The following MTHFD2L variants were observed in gnomAD, a reference collection of about 807,000 sequenced individuals.
MTHFD2L encodes the protein bifunctional methylenetetrahydrofolate dehydrogenase/cyclohydrolase 2, mitochondrial.
MTHFD2L carries 29 observed loss-of-function variants against 34.9 expected under a neutral mutation model. That is an observed-to-expected ratio of 0.83 (90% CI 0.62 to 1.13). The LOEUF (loss-of-function observed/expected upper bound fraction) is 1.13. MTHFD2L is among the 50% of genes most tolerant of loss of function. MTHFD2L has a pLI of 0.00. For synonymous variants in MTHFD2L, 167 were observed against 155.7 expected, an observed-to-expected ratio of 1.07 and a Z score of -0.54; for missense variants, 481 against 446.5, an observed-to-expected ratio of 1.08 and a Z score of -0.70.
At chr4:74,149,064 T>C (rs1045857070) in intron 1 of MTHFD2L, among the ~76,000 whole-genome samples, 1 of 151,806 alleles carries the variant, frequency 6.6e-6, no homozygotes, top group Non-Finnish European at 1.5e-5. Context: ...TGATCAATCA[T>C]TGCTTAGATA....
In MTHFD2L at chr4:74,192,216, G is replaced by C. The variant is rs562363169; in HGVS notation, c.452-7578G>C. The stretch of plus-strand genomic sequence containing the variant: ...AAGTAGATCATGGTAGGAGGGATAG[G>C]ATGTTGGAGGACAGGTTGTATTTTT... On this transcript the variant is annotated intron_variant, in intron 3 of 7. Transcript: ENST00000325278. 7.2e-5 allele frequency among the ~76,000 whole-genome samples: 11 copies of C among 152,210 alleles called. No homozygotes were observed. In the South Asian group the frequency reaches 2.3e-3, roughly 32 times the overall value.
At chr4:74,123,748 A>G (rs1367423501), upstream of MTHFD2L, among the ~76,000 whole-genome samples, 1 of 152,074 alleles carries the variant, frequency 6.6e-6, no homozygotes, top group Non-Finnish European at 1.5e-5. Flanking sequence ...GTGAGAAAAA[A>G]ATAACACTTT....
At chr4:74,213,624 T>G (rs1480379917) in intron 5 of MTHFD2L, among the ~76,000 whole-genome samples, 1 of 152,232 alleles carries the variant, frequency 6.6e-6, no homozygotes, top group Non-Finnish European at 1.5e-5. Flanking sequence ...CCTTTCTCTC[T>G]GGCTGCCCTT....
chr4:74,237,682 CT>C (rs919760365), intron 6 of MTHFD2L, among the ~76,000 whole-genome samples: 3 of 152,180 alleles, frequency 2.0e-5, no homozygotes, highest in African/African-American at 4.8e-5. Flanking sequence ...GGTAAGGAAG[CT>C]CTTCATAGGG....
chr4:74,206,969 C>T (rs943078182), intron 5 of MTHFD2L, among the ~76,000 whole-genome samples: 15 of 152,218 alleles, frequency 9.9e-5, no homozygotes, highest in African/African-American at 3.4e-4. Flanking sequence ...GGCATGATCA[C>T]GGCTCACTGC....
At chr4:74,270,319 C>A (rs748610958) in intron 6 of MTHFD2L, among the ~76,000 whole-genome samples, 8 of 152,110 alleles carry the variant, frequency 5.3e-5, no homozygotes, top group East Asian at 1.9e-4. Context: ...TTCCCTCCCC[C>A]CTTCCCTCAC....
At chr4:74,130,037 A>G (rs933109327) in intron 1 of MTHFD2L, among the ~76,000 whole-genome samples, 6 of 152,204 alleles carry the variant, frequency 3.9e-5, no homozygotes, top group African/African-American at 1.4e-4. Context: ...CTAAACCAGG[A>G]AGAAGTCGAA....
At chr4:74,115,849 T>C (rs959659339) in intron 2 of MTHFD2L, among the ~76,000 whole-genome samples, 3 of 152,246 alleles carry the variant, frequency 2.0e-5, no homozygotes, top group African/African-American at 7.2e-5. Context: ...ACTCACCGTT[T>C]GTCGTGCTAC....
At chr4:74,285,268 C>A (rs2110290186) in intron 7 of MTHFD2L, among the ~76,000 whole-genome samples, 1 of 151,352 alleles carries the variant, frequency 6.6e-6, no homozygotes, top group Admixed American at 6.6e-5. Flanking sequence ...TGCAGCACAC[C>A]CACATGGCAC....
At chr4:74,121,439 A>G (rs1403825294), upstream of MTHFD2L, among the ~76,000 whole-genome samples, 1 of 151,252 alleles carries the variant, frequency 6.6e-6, no homozygotes, top group African/African-American at 2.4e-5. Context: ...AGCGACAGCA[A>G]CCACAATGAG....
intron 3 of MTHFD2L, among the ~76,000 whole-genome samples, chr4:74,177,506 A>C (rs1013549933): frequency 2.0e-5 from 3 of 152,030 alleles, no homozygotes; most frequent in Non-Finnish European, 4.4e-5. Flanking sequence ...GTATATGAAA[A>C]TGATAAACTT....
At chr4:74,118,251 A>T (rs1487143976) in intron 2 of MTHFD2L, among the ~76,000 whole-genome samples, 1 of 152,206 alleles carries the variant, frequency 6.6e-6, no homozygotes, top group Non-Finnish European at 1.5e-5. Context: ...TGAGCACATT[A>T]ATACAGATTT....
intron 5 of MTHFD2L, among the ~76,000 whole-genome samples, chr4:74,207,789 C>A: frequency 1.2e-5 from 1 of 80,158 alleles, no homozygotes; most frequent in Non-Finnish European, 2.4e-5. Flanking sequence ...TTTTGCCAGC[C>A]TGGAAGTTTT....
At chr4:74,289,751 G>A (rs1257623495) in intron 7 of MTHFD2L, among the ~76,000 whole-genome samples, 2 of 152,104 alleles carry the variant, frequency 1.3e-5, no homozygotes, top group Non-Finnish European at 2.9e-5. Flanking sequence ...AGGAGAGTTG[G>A]AATGATTGGT....
intron 2 of MTHFD2L, among the ~76,000 whole-genome samples, chr4:74,116,423 G>T (rs1273455961): frequency 6.6e-6 from 1 of 151,996 alleles, no homozygotes; most frequent in Non-Finnish European, 1.5e-5. Context: ...GAACTGTAAA[G>T]AAATAAAGTC....
rs534506277 is a variant in MTHFD2L, at chr4:74,158,154, C to G, written c.16C>G (p.Arg6Gly). The change falls in exon 1 of 8, where the codon CGC (arginine) becomes GGC (glycine). Residue 6 changes from arginine to glycine, a missense_variant. By Grantham distance (125) the Arg-to-Gly change is moderately radical. Transcript: ENST00000325278. The part of the protein sequence containing the change: MTVPV[R>G]GFSLLRGRLG... Reference sequence around the variant, plus strand: ...ATCCGCGGCCATGACGGTGCCGGTCCGCGGCTTCTCGCTGCTCCGCGGCCG... The same window carrying G: ...ATCCGCGGCCATGACGGTGCCGGTCGGCGGCTTCTCGCTGCTCCGCGGCCG... 2 of 1,529,706 alleles carry G rather than the reference C, an allele frequency of 1.3e-6. No individual in the cohort carries two copies. Among genetic ancestry groups the G allele is most frequent in the East Asian group, 4.9e-5 (2 of 40,706 alleles). The allele number at this position is 1,529,706 out of a possible 1,614,324, so 94.8% of individuals were successfully genotyped here.
intron 6 of MTHFD2L, chr4:74,266,862 G>C: frequency 3.0e-6 from 3 of 985,294 alleles, no homozygotes; most frequent in Non-Finnish European, 2.4e-6. Context: ...GAATACTAGG[G>C]ATTGTAAAAA....
chr4:74,211,112 A>G (rs751768137), intron 5 of MTHFD2L, among the ~76,000 whole-genome samples: 4 of 152,274 alleles, frequency 2.6e-5, no homozygotes, highest in East Asian at 1.9e-4. Flanking sequence ...TAAATATACA[A>G]TCATGTCATC....
At chr4:74,180,096 T>C (rs1404558744) in intron 3 of MTHFD2L, among the ~76,000 whole-genome samples, 1 of 152,116 alleles carries the variant, frequency 6.6e-6, no homozygotes, top group Non-Finnish European at 1.5e-5. Flanking sequence ...TAGAATTTAC[T>C]ATGAAAAAAC....
Sources: allele counts gnomAD v4.1 joint callset (sites outside exome capture counted in the v4.1 genomes callset), GRCh38; gene constraint gnomAD v4.1.1; transcripts MANE v1.5; gene names NCBI Gene and HGNC (gene_info 2026-07-23, HGNC 2026-07-21).